OSBPL2: variants seen among roughly 807,000 people sequenced by gnomAD.
OSBPL2 encodes oxysterol-binding protein-related protein 2.
Under a neutral mutation model 58.4 loss-of-function variants are expected in OSBPL2, and 18 were observed. That is an observed-to-expected ratio of 0.31 (90% CI 0.21 to 0.46). The LOEUF (loss-of-function observed/expected upper bound fraction) is 0.46. Among genes scored for constraint, OSBPL2 ranks in the 20% least tolerant of loss-of-function variants. OSBPL2 has a pLI of 1.00. For missense variants in OSBPL2, 461 were observed against 616.5 expected (o/e 0.75, Z 2.67); for synonymous variants, 221 against 234.1 (o/e 0.94, Z 0.51).
intron 1 of OSBPL2, among the ~76,000 whole-genome samples, chr20:62,246,598 C>T (rs912995457): frequency 2.0e-5 from 3 of 152,278 alleles, no homozygotes; most frequent in East Asian, 1.9e-4. Context: ...GCATTGCCCA[C>T]GCTAGGCTTG....
At position 62,269,533 on chromosome 20, in the gene OSBPL2, C is replaced by T. The variant is rs1163598040; in HGVS notation, c.259-2592C>T. ...CAGTTGCGATACCATCTCTCCTCTC[C>T]TGAGCAAGGCAGCGTCTCCCCCATG... On this transcript the variant is annotated intron_variant, in intron 4 of 13. Transcript: ENST00000313733. The surrounding 1 kb of genome is among the most constrained non-coding windows in gnomAD (Gnocchi z 4.2). Among the ~76,000 whole-genome samples, 1 of 152,198 alleles carries T rather than the reference C, an allele frequency of 6.6e-6. No homozygotes were observed. Among genetic ancestry groups the T allele is most frequent in the Non-Finnish European group, 1.5e-5 (1 of 68,030 alleles).
intron 13 of OSBPL2, among the ~76,000 whole-genome samples, chr20:62,292,947 A>G (rs1311217829): frequency 6.7e-6 from 1 of 150,182 alleles, no homozygotes; most frequent in Non-Finnish European, 1.5e-5. Context: ...GGCTCACTGC[A>G]AGCTCCGCCC....
At chr20:62,245,908 C>T (rs550066357) in intron 1 of OSBPL2, among the ~76,000 whole-genome samples, 9 of 152,220 alleles carry the variant, frequency 5.9e-5, no homozygotes, top group East Asian at 3.9e-4. Context: ...GATTTTTTTC[C>T]TCGACAATTG....
chr20:62,255,843 A>G (rs1200457623), intron 1 of OSBPL2, among the ~76,000 whole-genome samples: 1 of 152,206 alleles, frequency 6.6e-6, no homozygotes, highest in African/African-American at 2.4e-5. Flanking sequence ...TATAGGGCTG[A>G]ATTATTGGTC....
At chr20:62,245,470 C>T (rs572979030) in intron 1 of OSBPL2, among the ~76,000 whole-genome samples, 1 of 152,166 alleles carries the variant, frequency 6.6e-6, no homozygotes, top group African/African-American at 2.4e-5. Flanking sequence ...CCACGTAGAG[C>T]CCCACGCTAA....
chr20:62,254,274 C>T (rs1980773645), intron 1 of OSBPL2, among the ~76,000 whole-genome samples: 1 of 152,240 alleles, frequency 6.6e-6, no homozygotes, highest in African/African-American at 2.4e-5. Context: ...CCCAGTCTTT[C>T]TGGGCAGGCA....
intron 1 of OSBPL2, among the ~76,000 whole-genome samples, chr20:62,240,309 G>A (rs1979639922): frequency 6.6e-6 from 1 of 152,328 alleles, no homozygotes; most frequent in Admixed American, 6.5e-5. Context: ...GTGGCAATGA[G>A]TGAGTGAGTG....
intron 2 of OSBPL2, among the ~76,000 whole-genome samples, chr20:62,257,985 G>A (rs1400654952): frequency 6.6e-6 from 1 of 152,184 alleles, no homozygotes; most frequent in Non-Finnish European, 1.5e-5. Context: ...AAAGTGCTGG[G>A]ATTACAGGTG....
chr20:62,259,872 C>T lies in OSBPL2; in HGVS notation c.38-109C>T, dbSNP rs888869246. The stretch of plus-strand genomic sequence containing the variant: ...TAATTCTTCCAAATGTGTCCGTTCA[C>T]ACAACTGAGCTCTGTAGTCACCTGC... On this transcript the variant is annotated intron_variant, in intron 2 of 13. Transcript: ENST00000313733. 6.2e-6 allele frequency: 6 copies of T among 970,724 alleles called. No homozygotes were observed. The African/African-American group carries it at 6.5e-5, about 11-fold the overall frequency. 60.1% of individuals were successfully genotyped at this position (970,724 alleles called of 1,614,324 possible). A position where few individuals can be genotyped will look rare whatever the true frequency, so the allele number is the denominator to read the frequency against.
chr20:62,258,584 A>G (rs1465687128), intron 2 of OSBPL2, among the ~76,000 whole-genome samples: 1 of 152,180 alleles, frequency 6.6e-6, no homozygotes, highest in Non-Finnish European at 1.5e-5. Context: ...CTGTTTTTCT[A>G]CAATAAATGC....
intron 1 of OSBPL2, among the ~76,000 whole-genome samples, chr20:62,251,785 A>G (rs1234951570): frequency 6.7e-6 from 1 of 149,302 alleles, no homozygotes; most frequent in Non-Finnish European, 1.5e-5. Flanking sequence ...ACTGTCTTAT[A>G]AATGTCTCCA....
chr20:62,247,188 C>T (rs551019658), intron 1 of OSBPL2, among the ~76,000 whole-genome samples: 8 of 152,222 alleles, frequency 5.3e-5, no homozygotes, highest in Non-Finnish European at 1.2e-4. Flanking sequence ...GATGCTGCAC[C>T]GGGAACTTCG....
intron 11 of OSBPL2, 115 bp downstream of exon 11, chr20:62,286,826 CTGT>C: frequency 7.8e-7 from 1 of 1,278,682 alleles, no homozygotes; most frequent in Non-Finnish European, 1.1e-6. Flanking sequence ...TCGCCTCAGC[CTGT>C]TGTCCCAGAG....
At chr20:62,260,529 C>T (rs1014244778) in intron 3 of OSBPL2, among the ~76,000 whole-genome samples, 1 of 152,214 alleles carries the variant, frequency 6.6e-6, no homozygotes, top group Non-Finnish European at 1.5e-5. Context: ...CGGCCAAGTT[C>T]ATCCTCTGTC....
chr20:62,285,832 G>A (rs1477297907), intron 10 of OSBPL2: 1 of 152,280 alleles, frequency 6.6e-6, no homozygotes, highest in African/African-American at 2.4e-5. Context: ...CCTGGCCACT[G>A]ACTTCCTTCG....
At chr20:62,279,860 A>T in intron 7 of OSBPL2, 1 of 947,794 alleles carries the variant, frequency 1.1e-6, no homozygotes, top group Non-Finnish European at 1.4e-6. Context: ...GAAGGAAGCC[A>T]GGGAAGTGGC....
intron 1 of OSBPL2, among the ~76,000 whole-genome samples, chr20:62,239,939 G>A (rs1979609705): frequency 2.0e-5 from 3 of 152,126 alleles, no homozygotes; most frequent in Non-Finnish European, 4.4e-5. Flanking sequence ...TGCCACCTCC[G>A]TCTCCCGGCT....
intron 1 of OSBPL2, among the ~76,000 whole-genome samples, chr20:62,254,598 C>T (rs961670123): frequency 2.6e-5 from 4 of 152,250 alleles, no homozygotes; most frequent in Non-Finnish European, 4.4e-5. Context: ...GCTGCTGCCC[C>T]GTGCGGCTGT....
chr20:62,260,460 G>A (rs1404522087), intron 3 of OSBPL2, among the ~76,000 whole-genome samples: 1 of 152,178 alleles, frequency 6.6e-6, no homozygotes, highest in Non-Finnish European at 1.5e-5. Context: ...ACAGTACATG[G>A]CGTCTTGATC....
Sources: allele counts gnomAD v4.1 joint callset (sites outside exome capture counted in the v4.1 genomes callset), GRCh38; gene constraint gnomAD v4.1.1; non-coding constraint Gnocchi (gnomAD v3.1); transcripts MANE v1.5; gene names NCBI Gene and HGNC (gene_info 2026-07-23, HGNC 2026-07-21).